RNF170: variants seen among roughly 807,000 people sequenced by gnomAD.
The protein encoded by RNF170 is E3 ubiquitin-protein ligase RNF170.
In RNF170, 12 loss-of-function variants were observed where a neutral mutation model predicts 32.7. The observed-to-expected ratio is 0.37, with a 90% confidence interval of 0.24 to 0.60. The LOEUF (loss-of-function observed/expected upper bound fraction) is 0.60. Among genes scored for constraint, RNF170 ranks in the 20% least tolerant of loss-of-function variants. The pLI, the probability that RNF170 is intolerant of heterozygous loss-of-function variation, is 0.72. For missense variants in RNF170, 212 were observed against 311.2 expected (o/e 0.68, Z 2.40); for synonymous variants, 91 against 103.6 (o/e 0.88, Z 0.74).
At chr8:42,850,383 A>G, downstream of RNF170, 1 of 230,580 alleles carries the variant, frequency 4.3e-6, no homozygotes, top group Non-Finnish European at 8.7e-6. Context: ...TGCCTGGGAG[A>G]CTGCCTGGAA....
At chr8:42,895,145 T>C (rs967697737) in intron 1 of RNF170, among the ~76,000 whole-genome samples, 4 of 151,866 alleles carry the variant, frequency 2.6e-5, no homozygotes, top group African/African-American at 9.7e-5. Flanking sequence ...CGAGACCCCC[T>C]CTCTACAAAA....
At chr8:42,872,301 GAAT>G (rs1394941568) in intron 3 of RNF170, among the ~76,000 whole-genome samples, 2 of 152,282 alleles carry the variant, frequency 1.3e-5, no homozygotes, top group South Asian at 2.1e-4. Context: ...ATGTTAATGA[GAAT>G]AATAGTAGTT....
intron 1 of RNF170, 24 bp from the exon 2 acceptor site, chr8:42,887,895 AGAG>A (rs1357242795): frequency 6.2e-7 from 1 of 1,602,812 alleles, no homozygotes; most frequent in Non-Finnish European, 8.5e-7. Flanking sequence ...AAACAAGATG[AGAG>A]TTACAAATGA....
chr8:42,871,571 TCTA>T (rs1367409280), intron 3 of RNF170, among the ~76,000 whole-genome samples: 1 of 151,840 alleles, frequency 6.6e-6, no homozygotes, highest in Non-Finnish European at 1.5e-5. Flanking sequence ...TGTTCCCTTC[TCTA>T]CTTTTTTTTT....
intron 4 of RNF170, among the ~76,000 whole-genome samples, chr8:42,868,679 C>A (rs1275732252): frequency 6.6e-6 from 1 of 151,818 alleles, no homozygotes; most frequent in Non-Finnish European, 1.5e-5. Context: ...ATGGTGAAAC[C>A]CCATCTCTAC....
chr8:42,882,664 C>T (rs1026696922), intron 2 of RNF170, among the ~76,000 whole-genome samples: 5 of 152,104 alleles, frequency 3.3e-5, no homozygotes, highest in Admixed American at 6.6e-5. Flanking sequence ...TGCATAAAAT[C>T]GGCTCATTAA....
chr8:42,850,314 C>CAGAGTCACACTTG (rs1437193963), downstream of RNF170: 1 of 180,448 alleles, frequency 5.5e-6, no homozygotes, highest in East Asian at 1.4e-4. Flanking sequence ...GGCTTTCCAG[C>CAGAGTCACACTTG]AGAGTCACAC....
chr8:42,851,001 C>T, downstream of RNF170: 1 of 1,551,242 alleles, frequency 6.4e-7, no homozygotes, highest in Non-Finnish European at 8.7e-7. Context: ...ATGAACCCTA[C>T]ACACGGTAGT....
intron 3 of RNF170, among the ~76,000 whole-genome samples, chr8:42,872,771 T>C (rs1804621951): frequency 6.6e-6 from 1 of 152,040 alleles, no homozygotes; most frequent in Non-Finnish European, 1.5e-5. Context: ...TCAATAAATA[T>C]AAGTTCCATG....
intron 6 of RNF170, among the ~76,000 whole-genome samples, chr8:42,858,204 AT>A (rs1418674693): frequency 6.6e-6 from 1 of 152,116 alleles, no homozygotes; most frequent in African/African-American, 2.4e-5. Flanking sequence ...CTCCCAAATA[AT>A]TATGGAGGAC....
Position 42,855,903 on chromosome 8 carries a change from T to C in RNF170, c.*256A>G. ...GCATCCCTTTTTATATAATTCCATA[T>C]TTTTTCCAGACAACATAGAATCAAG... On this transcript the variant is annotated 3_prime_UTR_variant, in exon 7 of 7. Coordinates refer to ENST00000527424, the MANE Select transcript of RNF170 (RefSeq NM_030954.4). 1.6e-6 allele frequency: 2 copies of C among 1,251,210 alleles called. No individual in the cohort carries two copies. The highest frequency in any genetic ancestry group is 1.4e-5 in the South Asian group (1 of 73,944). The allele number at this position is 1,251,210 out of a possible 1,614,324, so 77.5% of individuals were successfully genotyped here.
Position 42,855,999 on chromosome 8 carries a change from T to C in RNF170, c.*160A>G, listed in dbSNP as rs1307684684. On this transcript the variant is annotated 3_prime_UTR_variant, in exon 7 of 7. Transcript: ENST00000527424. ...CAAACATGAAAATTCCAGTTATACC[T>C]AGGTATTTGTCAAATGATAATCAAA... 1.3e-6 allele frequency: 2 copies of C among 1,498,650 alleles called. No individual in the cohort carries two copies. Among genetic ancestry groups the C allele is most frequent in the African/African-American group, 1.4e-5 (1 of 72,412 alleles). 92.8% of individuals were successfully genotyped at this position (1,498,650 alleles called of 1,614,324 possible). A position where few individuals can be genotyped will look rare whatever the true frequency, so the allele number is the denominator to read the frequency against.
At chr8:42,859,364 G>A (rs62515905) in intron 6 of RNF170, among the ~76,000 whole-genome samples, 7,157 of 151,928 alleles carry the variant, frequency 0.047, 226 homozygotes, top group South Asian at 0.077. Flanking sequence ...GGCTGGGCAC[G>A]GTGGCTCACA....
intron 4 of RNF170, among the ~76,000 whole-genome samples, chr8:42,868,596 T>C (rs1469669087): frequency 6.6e-6 from 1 of 152,174 alleles, no homozygotes; most frequent in Non-Finnish European, 1.5e-5. Flanking sequence ...GGCTCACATC[T>C]GTGATCCCAG....
Position 42,854,300 on chromosome 8 carries a change from A to G in RNF170, c.*1859T>C. The G allele has an allele frequency of 1.6e-6, 2 of 1,287,210 alleles. No individual in the cohort carries two copies. The highest frequency in any genetic ancestry group is 2.0e-6 in the Non-Finnish European group (2 of 988,682). The allele number at this position is 1,287,210 out of a possible 1,614,324, so 79.7% of individuals were successfully genotyped here. On this transcript the variant is annotated 3_prime_UTR_variant, in exon 7 of 7. Coordinates refer to ENST00000527424, the MANE Select transcript of RNF170 (RefSeq NM_030954.4). ...GTTCCTCTTAACAACTTTCACGTCT[A>G]TCTAAACATTCTATGCAGGAGTCCT...
downstream of RNF170, chr8:42,851,078 G>A: frequency 6.5e-7 from 1 of 1,527,846 alleles, no homozygotes; most frequent in South Asian, 1.2e-5. Context: ...CAAATCAACA[G>A]CCTTCCTGCT....
At chr8:42,851,934 G>A (rs1221711230), downstream of RNF170, among the ~76,000 whole-genome samples, 2 of 152,148 alleles carry the variant, frequency 1.3e-5, no homozygotes, top group Non-Finnish European at 2.9e-5. Context: ...CACTGTCCTC[G>A]CTTGAGCATT....
intron 1 of RNF170, among the ~76,000 whole-genome samples, chr8:42,888,795 A>G (rs1270384293): frequency 2.1e-5 from 3 of 144,278 alleles, no homozygotes; most frequent in Non-Finnish European, 4.6e-5. Flanking sequence ...ACCAAAAACA[A>G]TAAATAAATA....
At position 42,856,210 on chromosome 8, in the gene RNF170, G is replaced by C; in HGVS notation, c.726C>G (p.Ile242Met). The change falls in exon 7 of 7, where the codon ATC becomes ATG. Residue 242 changes from isoleucine to methionine, a missense_variant. Around this residue, in one of 2 missense-constraint regions of RNF170, gnomAD observed 97 missense variants for 178.9 expected, o/e 0.54. Coordinates refer to ENST00000527424, the MANE Select transcript of RNF170 (RefSeq NM_030954.4). ...DDFFVIFLLL[I>M]YISIMYREVI... ...CTTCTCGATACATAATAGAGATGTA[G>C]ATAAGCAATAAAAAGATGACAAAGA... 1 of 1,611,146 alleles carries C rather than the reference G, an allele frequency of 6.2e-7. No homozygotes were observed. The highest frequency in any genetic ancestry group is 2.2e-5 in the East Asian group (1 of 44,832).
Sources: allele counts gnomAD v4.1 joint callset (sites outside exome capture counted in the v4.1 genomes callset), GRCh38; gene constraint gnomAD v4.1.1; regional missense constraint gnomAD v4.1.1; transcripts MANE v1.5; gene names NCBI Gene and HGNC (gene_info 2026-07-23, HGNC 2026-07-21).